Variants in ZNF883 observed in about 807,000 individuals in gnomAD.
ZNF883 encodes the protein zinc finger protein 883.
At chr9:112,996,221 A>G (rs1207827737), downstream of ZNF883, among the ~76,000 whole-genome samples, 1 of 152,158 alleles carries the variant, frequency 6.6e-6, no homozygotes, top group African/African-American at 2.4e-5. Flanking sequence ...GAGGGCCTGA[A>G]TATTTCCCTC....
chr9:112,997,172 G>C (rs758265345), exon 1 of ZNF883: 3 of 1,612,444 alleles, frequency 1.9e-6, no homozygotes, highest in African/African-American at 2.7e-5. Context: ...TCGAATTAAG[G>C]ATGTACTATG....
downstream of ZNF883, among the ~76,000 whole-genome samples, chr9:112,993,375 G>A (rs1183154942): frequency 6.6e-6 from 1 of 152,196 alleles, no homozygotes; most frequent in African/African-American, 2.4e-5. Flanking sequence ...ATACTTGGAG[G>A]TATCACCAGT....
intron 1 of ZNF883, among the ~76,000 whole-genome samples, chr9:112,991,254 C>T (rs867184832): frequency 3.9e-5 from 6 of 152,130 alleles, no homozygotes; most frequent in Middle Eastern, 3.4e-3. Flanking sequence ...TTTAACATTG[C>T]TTTAGCTGCA....
upstream of ZNF883, chr9:112,999,850 GTA>G (rs1828405776): frequency 6.6e-6 from 1 of 152,158 alleles, no homozygotes; most frequent in South Asian, 2.1e-4. Flanking sequence ...TTAAGAATTT[GTA>G]TAGAGCTTAA....
In ZNF883 at chr9:113,011,706, T is replaced by C. The variant is rs1352941844; in HGVS notation, n.78+444A>G. Among the ~76,000 whole-genome samples the C allele has an allele frequency of 2.6e-5, 4 of 152,182 alleles. No individual in the cohort carries two copies. The East Asian group carries it at 7.7e-4, about 29-fold the overall frequency. On this transcript the variant is annotated intron_variant and non_coding_transcript_variant, in intron 1 of 4. Transcript: ENST00000638622. ...AGCAAGAACTGGATGTCGGGAAACC[T>C]AAATTCTAGTTGGCACTAAATACGT...
At chr9:113,011,094 A>C (rs1828533839) in intron 2 of ZNF883, 47 bp downstream of exon 2, 3 of 152,324 alleles carry the variant, frequency 2.0e-5, no homozygotes, top group East Asian at 3.9e-4. Context: ...GAACTTTAGA[A>C]ATTAAACCCA....
intron 2 of ZNF883, 62 bp downstream of exon 2, chr9:113,011,079 A>T (rs1322425775): frequency 6.6e-6 from 1 of 152,214 alleles, no homozygotes; most frequent in Non-Finnish European, 1.5e-5. Context: ...CCACACTGCA[A>T]GATGGAACTT....
At chr9:112,995,443 T>C (rs1365161400), downstream of ZNF883, among the ~76,000 whole-genome samples, 2 of 151,594 alleles carry the variant, frequency 1.3e-5, no homozygotes, top group African/African-American at 4.9e-5. Context: ...TTCCTTCCTT[T>C]CTCTCTTCCT....
upstream of ZNF883, chr9:112,998,422 AAAATCCACTACAGC>A: frequency 1.9e-6 from 1 of 535,292 alleles, no homozygotes; most frequent in Non-Finnish European, 2.9e-6. Flanking sequence ...TTCTTTTGAA[AAAATCCACTACAGC>A]AGAATTATGC....
exon 1 of ZNF883, chr9:112,997,252 T>G: frequency 6.2e-7 from 1 of 1,614,126 alleles, no homozygotes. Flanking sequence ...TATGTTTAGT[T>G]AGAGCTGAGC....
upstream of ZNF883, among the ~76,000 whole-genome samples, chr9:113,002,818 G>A (rs1025176172): frequency 1.3e-5 from 2 of 151,998 alleles, no homozygotes; most frequent in Non-Finnish European, 2.9e-5. Context: ...TGAGTGTAGA[G>A]CCTTCATGGA....
At chr9:113,011,916 G>A (rs956546670) in intron 1 of ZNF883, among the ~76,000 whole-genome samples, 10 of 152,144 alleles carry the variant, frequency 6.6e-5, no homozygotes, top group African/African-American at 2.4e-4. Context: ...GGGATGAGCA[G>A]ACACGGCTTT....
upstream of ZNF883, among the ~76,000 whole-genome samples, chr9:113,001,268 A>G (rs139808572): frequency 3.5e-4 from 53 of 152,258 alleles, no homozygotes; most frequent in East Asian, 9.2e-3. Context: ...TGTTATTTTA[A>G]AAGCAAGAAA....
rs201175132 is a variant in ZNF883, at chr9:112,997,217, G to A, written n.1043C>T. 26 of 1,613,804 alleles carry A rather than the reference G, an allele frequency of 1.6e-5. No individual in the cohort carries two copies. In the East Asian group the frequency reaches 5.6e-4, roughly 35 times the overall value. On this transcript the variant is annotated non_coding_transcript_exon_variant, in exon 1 of 1. Transcript: ENST00000639662. The stretch of plus-strand genomic sequence containing the variant: ...ATCACCACACTTAGTACATTGATAG[G>A]GTCTCTCCCTTGTATGTATTCGCTT...
chr9:112,997,158 G>A, exon 1 of ZNF883: 1 of 1,609,822 alleles, frequency 6.2e-7, no homozygotes. Flanking sequence ...TGAGTTTTCT[G>A]ATGTCGAATT....
At chr9:112,996,517 C>T (rs539307652), downstream of ZNF883, among the ~76,000 whole-genome samples, 74 of 151,952 alleles carry the variant, frequency 4.9e-4, no homozygotes, top group East Asian at 5.8e-4. Context: ...TATGGCCGGG[C>T]GCGGTGGCTC....
chr9:112,998,116 C>CT (rs1369294111), exon 1 of ZNF883: 1 of 1,613,878 alleles, frequency 6.2e-7, no homozygotes, highest in Non-Finnish European at 8.5e-7. Context: ...GGGTAAAGGA[C>CT]TTACCACATA....
exon 1 of ZNF883, chr9:112,998,013 T>A: frequency 6.2e-7 from 1 of 1,613,076 alleles, no homozygotes; most frequent in African/African-American, 1.3e-5. Flanking sequence ...TGAATAAGAT[T>A]AGTGCTCTGA....
At chr9:112,997,218 G>A in exon 1 of ZNF883, 1 of 1,613,972 alleles carries the variant, frequency 6.2e-7, no homozygotes, top group Middle Eastern at 1.6e-4. Context: ...CATTGATAGG[G>A]TCTCTCCCTT....
Sources: gnomAD v4.1 joint callset for allele counts (sites outside exome capture counted in the v4.1 genomes callset) on GRCh38, gnomAD v4.1.1 for gene constraint, MANE v1.5 for transcripts, NCBI Gene and HGNC (gene_info 2026-07-23, HGNC 2026-07-21) for gene names.